Variants in SNTB1 observed in about 807,000 individuals in gnomAD.
SNTB1 encodes beta-1-syntrophin.
A neutral mutation model predicts 48.9 loss-of-function variants in SNTB1; 36 were observed. That is an observed-to-expected ratio of 0.74 (90% CI 0.56 to 0.97). The LOEUF (loss-of-function observed/expected upper bound fraction) is 0.97. SNTB1 is among the 50% of genes least tolerant of loss of function. The pLI is 0.00. For synonymous variants in SNTB1, 299 were observed against 294.6 expected (o/e 1.01, Z -0.15); for missense variants, 786 against 703.4 (o/e 1.12, Z -1.33).
intron 4 of SNTB1, chr8:120,570,633 G>A (rs991017992): frequency 5.3e-5 from 8 of 152,220 alleles, no homozygotes; most frequent in African/African-American, 1.7e-4. Flanking sequence ...CACTAATACC[G>A]GCCTTGCAGA....
At chr8:120,584,461 A>AAAAAT (rs1703673484) in intron 3 of SNTB1, among the ~76,000 whole-genome samples, 5 of 100,296 alleles carry the variant, frequency 5.0e-5, no homozygotes, top group Non-Finnish European at 8.6e-5. Flanking sequence ...AAAAAAAAAA[A>AAAAAT]GTGTAGTAAT....
intron 1 of SNTB1, among the ~76,000 whole-genome samples, chr8:120,722,301 G>C (rs1402264712): frequency 6.6e-6 from 1 of 152,214 alleles, no homozygotes; most frequent in Non-Finnish European, 1.5e-5. Flanking sequence ...TCTAGCTCTA[G>C]ATCCTTGAGG....
chr8:120,802,246 C>T (rs1820241515), intron 1 of SNTB1, among the ~76,000 whole-genome samples: 1 of 152,036 alleles, frequency 6.6e-6, no homozygotes, highest in African/African-American at 2.4e-5. Flanking sequence ...AACATTTTGA[C>T]TTTTTTCGGT....
chr8:120,762,738 C>G (rs927269430), intron 1 of SNTB1, among the ~76,000 whole-genome samples: 3 of 152,052 alleles, frequency 2.0e-5, no homozygotes, highest in Admixed American at 6.6e-5. Context: ...GAACAGGTAC[C>G]TTGTTTATTC....
intron 3 of SNTB1, among the ~76,000 whole-genome samples, chr8:120,592,227 G>T (rs1400369512): frequency 6.6e-6 from 1 of 152,086 alleles, no homozygotes; most frequent in East Asian, 1.9e-4. Context: ...TGTCACCCAG[G>T]CTGGAGTGCA....
chr8:120,732,688 T>C (rs187968266), intron 1 of SNTB1, among the ~76,000 whole-genome samples: 2 of 152,110 alleles, frequency 1.3e-5, no homozygotes, highest in East Asian at 3.9e-4. Context: ...CTATTAAACG[T>C]ACAAAAATTT....
At chr8:120,792,231 T>C (rs1232789856) in intron 1 of SNTB1, among the ~76,000 whole-genome samples, 1 of 151,774 alleles carries the variant, frequency 6.6e-6, no homozygotes, top group Non-Finnish European at 1.5e-5. Flanking sequence ...GCCATTATTC[T>C]AAGTGAAGTA....
chr8:120,807,717 C>A lies in SNTB1; in HGVS notation c.571+3556G>T, dbSNP rs553903018. Reference sequence around the variant, plus strand: ...TGAGTGGCCCACACAATTGCTGTTTCCTGCTGATTTGTCCCCAGCACTTCA... The same window carrying A: ...TGAGTGGCCCACACAATTGCTGTTTACTGCTGATTTGTCCCCAGCACTTCA... On this transcript the variant is annotated intron_variant, in intron 1 of 6. Coordinates refer to ENST00000517992, the MANE Select transcript of SNTB1 (RefSeq NM_021021.4). Among the ~76,000 whole-genome samples, 8 of 152,192 alleles carry A rather than the reference C, an allele frequency of 5.3e-5. 1 individual carries two copies. The South Asian group carries it at 1.7e-3, about 32-fold the overall frequency.
At chr8:120,794,109 T>C (rs1450019349) in intron 1 of SNTB1, among the ~76,000 whole-genome samples, 3 of 152,014 alleles carry the variant, frequency 2.0e-5, no homozygotes, top group Admixed American at 1.3e-4. Flanking sequence ...ACTGAAGGAA[T>C]GGGCAGAGAT....
intron 2 of SNTB1, among the ~76,000 whole-genome samples, chr8:120,649,921 C>T (rs1817382373): frequency 6.6e-6 from 1 of 152,106 alleles, no homozygotes; most frequent in Non-Finnish European, 1.5e-5. Context: ...GTGGGAGTGA[C>T]CCGATTTTCC....
chr8:120,632,743 C>T, intron 2 of SNTB1, 92 bp from the exon 3 acceptor site: 1 of 1,058,702 alleles, frequency 9.4e-7, no homozygotes, highest in South Asian at 1.4e-5. Context: ...ATTCTTTACT[C>T]CTTCTTTTAG....
intron 1 of SNTB1, among the ~76,000 whole-genome samples, chr8:120,734,175 G>C (rs1005179868): frequency 2.0e-5 from 3 of 152,212 alleles, no homozygotes; most frequent in Admixed American, 6.5e-5. Flanking sequence ...CAGGCGCGAT[G>C]GTTCATGCCT....
At chr8:120,628,058 A>G (rs964432148) in intron 3 of SNTB1, among the ~76,000 whole-genome samples, 6 of 152,230 alleles carry the variant, frequency 3.9e-5, no homozygotes, top group African/African-American at 1.4e-4. Context: ...TTGAAAGAAT[A>G]CGAAATGGAA....
chr8:120,559,928 G>A (rs1026552964), intron 4 of SNTB1, among the ~76,000 whole-genome samples: 1 of 103,582 alleles, frequency 9.7e-6, no homozygotes, highest in Admixed American at 1.2e-4. Context: ...CACAATGCAA[G>A]CCACAAAAAA....
At chr8:120,714,209 A>C (rs1355255809) in intron 1 of SNTB1, among the ~76,000 whole-genome samples, 1 of 151,934 alleles carries the variant, frequency 6.6e-6, no homozygotes, top group Non-Finnish European at 1.5e-5. Flanking sequence ...TTTCTGAAAC[A>C]CTCTCTTTTG....
At chr8:120,672,293 T>C (rs1293950439) in intron 2 of SNTB1, among the ~76,000 whole-genome samples, 1 of 152,220 alleles carries the variant, frequency 6.6e-6, no homozygotes, top group African/African-American at 2.4e-5. Context: ...GTGTTACTTA[T>C]TGAAAATATA....
At chr8:120,741,135 A>G (rs1819034073) in intron 1 of SNTB1, among the ~76,000 whole-genome samples, 1 of 152,192 alleles carries the variant, frequency 6.6e-6, no homozygotes, top group Non-Finnish European at 1.5e-5. Flanking sequence ...TCTACTTTAT[A>G]CAGCTCTCTT....
At chr8:120,540,303 G>A (rs536406388) in intron 6 of SNTB1, among the ~76,000 whole-genome samples, 75 of 152,304 alleles carry the variant, frequency 4.9e-4, no homozygotes, top group African/African-American at 1.8e-3. Context: ...GACATAGGGG[G>A]TAGAGGAGAA....
In SNTB1 at chr8:120,584,501, T is replaced by C. The variant is rs112667522; in HGVS notation, c.997-9276A>G. Among the ~76,000 whole-genome samples the C allele has an allele frequency of 6.7e-3, 1,004 of 149,174 alleles. 13 individuals carry two copies. The highest frequency in any genetic ancestry group is 0.024 in the African/African-American group (949 of 40,254). ...AAGGAGCAGTTAAGAGAAAAAAGTT[T>C]AGGGAAAATGTAATATATTTGATTT... On this transcript the variant is annotated intron_variant, in intron 3 of 6. Coordinates refer to ENST00000517992, the MANE Select transcript of SNTB1 (RefSeq NM_021021.4).
Sources: allele counts gnomAD v4.1 joint callset (sites outside exome capture counted in the v4.1 genomes callset), GRCh38; gene constraint gnomAD v4.1.1; transcripts MANE v1.5; gene names NCBI Gene and HGNC (gene_info 2026-07-23, HGNC 2026-07-21).